The following SLC6A13 variants were observed in gnomAD, a reference collection of about 807,000 sequenced individuals.
The protein encoded by SLC6A13 is sodium- and chloride-dependent GABA transporter 2.
In SLC6A13, 69 loss-of-function variants were observed where a neutral mutation model predicts 72.9. The observed-to-expected ratio is 0.95, with a 90% CI of 0.78 to 1.16. The LOEUF is 1.16. SLC6A13 is among the 50% of genes most tolerant of loss of function. The pLI is 0.00. For missense variants in SLC6A13, 735 were observed against 760.5 expected (o/e 0.97, Z 0.39); for synonymous variants, 303 against 303.0 (o/e 1.00, Z 0.00).
intron 2 of SLC6A13, among the ~76,000 whole-genome samples, chr12:246,721 AT>A (rs1300713170): frequency 1.3e-5 from 2 of 152,116 alleles, no homozygotes; most frequent in African/African-American, 2.4e-5. Flanking sequence ...AAAAAAGAAC[AT>A]TTTTGCTGGG....
intron 1 of SLC6A13, among the ~76,000 whole-genome samples, chr12:260,928 A>C (rs1347483601): frequency 6.6e-6 from 1 of 152,252 alleles, no homozygotes; most frequent in Non-Finnish European, 1.5e-5. Flanking sequence ...GTTTTAAAAA[A>C]AAATCCTGTC....
intron 13 of SLC6A13, among the ~76,000 whole-genome samples, chr12:222,127 G>A (rs1941237940): frequency 6.6e-6 from 1 of 152,162 alleles, no homozygotes; most frequent in African/African-American, 2.4e-5. Context: ...TTCCTTTATG[G>A]GACTCTTGTG....
rs570847519 is a variant in SLC6A13 at position 227,416 on chromosome 12, C to A, written c.935+149G>T. 1.2e-5 allele frequency: 17 copies of A among 1,389,046 alleles called. No individual in the cohort carries two copies. The East Asian group carries it at 4.4e-4, about 36-fold the overall frequency. The allele number at this position is 1,389,046 out of a possible 1,614,324, so 86.0% of individuals were successfully genotyped here. ...TCTTGCAGTTGGCTCCTTGCAGCTC[C>A]TGGTAGCCCTGGGGTGTTGGATATG... On this transcript the variant is annotated intron_variant, in intron 8 of 14. Transcript: ENST00000343164.
At chr12:224,173 AGATG>A in intron 10 of SLC6A13, 44 bp from the exon 11 acceptor site, 1 of 1,611,520 alleles carries the variant, frequency 6.2e-7, no homozygotes, top group Non-Finnish European at 8.5e-7. Context: ...AGAGCTCCCG[AGATG>A]CCCTGTCCAT....
rs201572458 is a variant in SLC6A13 at position 221,075 on chromosome 12, G to A, written c.1687-5C>T. On this transcript the variant is annotated splice_region_variant and splice_polypyrimidine_tract_variant and intron_variant, in intron 14 of 14. Transcript: ENST00000343164. The stretch of plus-strand genomic sequence containing the variant: ...GCACATGAGCTGACGGATTCTCTGC[G>A]GGGATAGCAGAGGTGGCTGTCAGGT... 2,854 of 1,591,560 alleles carry A rather than the reference G, an allele frequency of 1.8e-3. 7 individuals carry two copies. The highest frequency in any genetic ancestry group is 2.1e-3 in the South Asian group (181 of 87,814).
At chr12:251,363 T>C (rs1942540877) in intron 2 of SLC6A13, among the ~76,000 whole-genome samples, 1 of 152,062 alleles carries the variant, frequency 6.6e-6, no homozygotes, top group African/African-American at 2.4e-5. Flanking sequence ...AGGCAATTCA[T>C]TGGAAATAGG....
rs183196113 is a variant in SLC6A13, at chr12:224,485, C to G, written c.1089G>C (p.Pro363=). The G allele has an allele frequency of 2.5e-6, 4 of 1,613,952 alleles. No homozygotes were observed. The highest frequency in any genetic ancestry group is 3.4e-6 in the Non-Finnish European group (4 of 1,180,026). The change falls in exon 10 of 15, where the codon CCG becomes CCC. Residue 363 remains proline, a synonymous_variant. Transcript: ENST00000343164. ...SGPGLAFIAY[P]RAVVMLPFSP... is the part of the protein sequence containing the mutation. ...AGAAGGGCAGCATCACCACAGCCCG[C>G]GGGTAAGCGATGAAAGCCAGGCCAG...
At chr12:232,534 C>T (rs1941753669) in intron 7 of SLC6A13, among the ~76,000 whole-genome samples, 2 of 152,332 alleles carry the variant, frequency 1.3e-5, no homozygotes, top group South Asian at 4.1e-4. Context: ...TTACTGGCTG[C>T]ACAACCTTAG....
At chr12:236,866 T>C in intron 6 of SLC6A13, 2 of 279,000 alleles carry the variant, frequency 7.2e-6, no homozygotes, top group Non-Finnish European at 1.3e-5. Flanking sequence ...TTGTATGAAT[T>C]AGGGAACCAT....
rs144612124 is a variant in SLC6A13 at position 237,914 on chromosome 12, G to C, written c.563+12C>G. On this transcript the variant is annotated intron_variant, in intron 5 of 14. Coordinates refer to ENST00000343164, the MANE Select transcript of SLC6A13 (RefSeq NM_016615.5). ...ACACGGCCCACAGTGGGTGGGGAAG[G>C]GTCTCACTTACTCCCAGAACTCGAT... 7,401 of 1,600,342 alleles carry C rather than the reference G, an allele frequency of 4.6e-3. 29 individuals carry two copies. The highest frequency in any genetic ancestry group is 5.4e-3 in the Non-Finnish European group (6,325 of 1,167,478).
intron 5 of SLC6A13, among the ~76,000 whole-genome samples, chr12:237,659 C>T (rs183793914): frequency 2.3e-4 from 35 of 152,026 alleles, no homozygotes; most frequent in African/African-American, 6.8e-4. Flanking sequence ...GGAGGAAGTG[C>T]GGAGTGAGAG....
chr12:224,523 G>C lies in SLC6A13; in HGVS notation c.1061-10C>G. 6.2e-7 allele frequency: 1 copy of C among 1,611,650 alleles called. No homozygotes were observed. The highest frequency in any genetic ancestry group is 8.5e-7 in the Non-Finnish European group (1 of 1,177,914). On this transcript the variant is annotated splice_polypyrimidine_tract_variant and intron_variant, in intron 9 of 14. Coordinates refer to ENST00000343164, the MANE Select transcript of SLC6A13 (RefSeq NM_016615.5). Reference sequence around the variant, plus strand: ...AAAGCCAGGCCAGGGCCTACGACAAGGAGCAGAGGAACACGGGCCAGTGCC... The same window carrying C: ...AAAGCCAGGCCAGGGCCTACGACAACGAGCAGAGGAACACGGGCCAGTGCC...
rs576524334 is a variant in SLC6A13 at position 259,422 on chromosome 12, C to T, written c.202+429G>A. The T allele has an allele frequency of 8.2e-6, 9 of 1,091,542 alleles. No individual in the cohort carries two copies. In the East Asian group the frequency reaches 5.2e-4, roughly 63 times the overall value. The allele number at this position is 1,091,542 out of a possible 1,614,324, so 67.6% of individuals were successfully genotyped here. ...AGAACAGTTTGGTTATCAACGTCAT[C>T]ATCAGCAGAGCTACTATTTATTAAG... On this transcript the variant is annotated intron_variant, in intron 2 of 14. Transcript: ENST00000343164.
rs538964122 is a variant in SLC6A13, at chr12:234,928, G to A, written c.831+162C>T. 2.4e-4 allele frequency among the ~76,000 whole-genome samples: 36 copies of A among 152,280 alleles called. 1 individual carries two copies. Among genetic ancestry groups the A allele is most frequent in the South Asian group, 8.3e-4 (4 of 4,824 alleles). ...GGGGTCTGGATTGAGACCCCTTTCC[G>A]GCAACAAACAGATGTCTAGAGAAGG... On this transcript the variant is annotated intron_variant, in intron 7 of 14. Coordinates refer to ENST00000343164, the MANE Select transcript of SLC6A13 (RefSeq NM_016615.5).
intron 13 of SLC6A13, among the ~76,000 whole-genome samples, chr12:222,214 G>A (rs567295532): frequency 5.2e-4 from 79 of 152,194 alleles, no homozygotes; most frequent in Non-Finnish European, 9.1e-4. Flanking sequence ...GCTGCTATTA[G>A]GATTGCTGTG....
chr12:237,850 A>G (rs1179764698), intron 5 of SLC6A13, 76 bp downstream of exon 5: 8 of 1,076,174 alleles, frequency 7.4e-6, no homozygotes, highest in Non-Finnish European at 1.2e-5. Flanking sequence ...ATTGAGAGTG[A>G]CCTTGGTGTG....
chr12:242,526 G>T, intron 4 of SLC6A13, 88 bp downstream of exon 4: 5 of 1,163,464 alleles, frequency 4.3e-6, no homozygotes, highest in South Asian at 1.7e-5. Flanking sequence ...TGGTGTGTCC[G>T]TGTTAAGCGG....
In SLC6A13 at chr12:220,814, G is replaced by A; in HGVS notation, c.*134C>T. On this transcript the variant is annotated 3_prime_UTR_variant, in exon 15 of 15. Coordinates refer to ENST00000343164, the MANE Select transcript of SLC6A13 (RefSeq NM_016615.5). ...GTGGGAGGCCTCCAGCTCAGCAGGT[G>A]GACTCCAAAATACCCCTCTTGTCTT... 1 of 1,087,100 alleles carries A rather than the reference G, an allele frequency of 9.2e-7. No homozygotes were observed. The highest frequency in any genetic ancestry group is 1.6e-5 in the South Asian group (1 of 64,218). 67.3% of individuals were successfully genotyped at this position (1,087,100 alleles called of 1,614,324 possible). A position where few individuals can be genotyped will look rare whatever the true frequency, so the allele number is the denominator to read the frequency against.
In SLC6A13 at chr12:223,159, C is replaced by A. The variant is rs369427960; in HGVS notation, c.1387G>T (p.Glu463Ter). Residue 463 changes from glutamate to a stop codon, truncating the protein, a stop_gained, in exon 12 of 15, where the codon GAG (glutamate) becomes TAG (stop). Coordinates refer to ENST00000343164, the MANE Select transcript of SLC6A13 (RefSeq NM_016615.5). LOFTEE classifies it high-confidence loss of function. Reference protein sequence around the residue: ...GMCLLFVAIFESLCVAWVYGA... With the variant: ...GMCLLFVAIF Reference sequence around the variant, plus strand: ...TAAACCCAAGCCACACAGAGGGACTCGAAGATGGCCACGAACAGGAGGCAC... The same window carrying A: ...TAAACCCAAGCCACACAGAGGGACTAGAAGATGGCCACGAACAGGAGGCAC... 7 of 1,613,482 alleles carry A rather than the reference C, an allele frequency of 4.3e-6. No individual in the cohort carries two copies. The East Asian group carries it at 1.6e-4, about 36-fold the overall frequency.
Sources: allele counts gnomAD v4.1 joint callset (sites outside exome capture counted in the v4.1 genomes callset), GRCh38; gene constraint gnomAD v4.1.1; transcripts MANE v1.5; gene names NCBI Gene and HGNC (gene_info 2026-07-23, HGNC 2026-07-21).